ATP2C2: variants seen among roughly 807,000 people sequenced by gnomAD.
ATP2C2 encodes calcium-transporting ATPase type 2C member 2.
In ATP2C2, 171 loss-of-function variants were observed where a neutral mutation model predicts 110.8. The ratio of observed to expected loss-of-function variants is 1.54; its 90% CI spans 1.36 to 1.75. ATP2C2 has a LOEUF of 1.75. Ranked by LOEUF, ATP2C2 falls within the 40% of genes most tolerant of loss-of-function variation. The probability of loss-of-function intolerance (pLI) is 0.00; values close to 1 mark genes in which losing one functional copy is unlikely to be tolerated. For missense variants in ATP2C2, 1,963 were observed against 1,235.0 expected, an observed-to-expected ratio of 1.59 and a Z score of -8.84; for synonymous variants, 804 against 508.4, an observed-to-expected ratio of 1.58 and a Z score of -7.82.
At chr16:84,406,346 G>T (rs1294929772) in intron 3 of ATP2C2, among the ~76,000 whole-genome samples, 1 of 152,238 alleles carries the variant, frequency 6.6e-6, no homozygotes, top group Non-Finnish European at 1.5e-5. Flanking sequence ...AATTTTCCAG[G>T]TGCCTGAGGG....
At chr16:84,403,181 T>C (rs1469747118) in intron 2 of ATP2C2, among the ~76,000 whole-genome samples, 2 of 152,230 alleles carry the variant, frequency 1.3e-5, no homozygotes, top group Non-Finnish European at 2.9e-5. Context: ...CTTTTTTTCT[T>C]AGCCTGGCTA....
intron 20 of ATP2C2, among the ~76,000 whole-genome samples, chr16:84,453,651 C>T (rs1910527041): frequency 6.6e-6 from 1 of 152,112 alleles, no homozygotes; most frequent in South Asian, 2.1e-4. Context: ...CAGTCACGGG[C>T]CCAGGTTTAG....
Position 84,401,168 on chromosome 16 carries a change from C to T in ATP2C2, c.210+2559C>T, listed in dbSNP as rs112333598. Among the ~76,000 whole-genome samples, 1,164 of 151,718 alleles carry T rather than the reference C, an allele frequency of 7.7e-3. 17 individuals carry two copies. The highest frequency in any genetic ancestry group is 0.027 in the African/African-American group (1,111 of 41,410). ...CAGTTCAATGTCCTGGAGAGTTTCC[C>T]CGATGTTCTCTTGATAGTTTCATAG... On this transcript the variant is annotated intron_variant, in intron 2 of 26. Coordinates refer to ENST00000262429, the MANE Select transcript of ATP2C2 (RefSeq NM_014861.4).
chr16:84,415,756 A>T (rs1025934544), intron 7 of ATP2C2, among the ~76,000 whole-genome samples, 165 bp downstream of exon 7: 1 of 152,258 alleles, frequency 6.6e-6, no homozygotes, highest in Non-Finnish European at 1.5e-5. Context: ...AGCGTGTTCT[A>T]CGCATAGAGC....
chr16:84,410,493 C>G (rs930872319), intron 4 of ATP2C2, 75 bp from the exon 5 acceptor site: 1 of 1,482,516 alleles, frequency 6.7e-7, no homozygotes, highest in African/African-American at 1.4e-5. Context: ...TAAAGACAAG[C>G]CCCTAGCCTG....
At chr16:84,381,742 C>G (rs1279407325) in intron 1 of ATP2C2, among the ~76,000 whole-genome samples, 1 of 152,184 alleles carries the variant, frequency 6.6e-6, no homozygotes, top group African/African-American at 2.4e-5. Flanking sequence ...TCGTATTTAA[C>G]CCGTTTCCTG....
rs1366222300 is a variant in ATP2C2 at position 84,408,499 on chromosome 16, G to C, written c.417+5G>C. 3 of 1,611,880 alleles carry C rather than the reference G, an allele frequency of 1.9e-6. No individual in the cohort carries two copies. Among genetic ancestry groups the C allele is most frequent in the Non-Finnish European group, 2.5e-6 (3 of 1,179,496 alleles). On this transcript the variant is annotated splice_donor_5th_base_variant and intron_variant, in intron 4 of 26. Transcript: ENST00000262429. The stretch of plus-strand genomic sequence containing the variant: ...GACGCCGTCAGCATCGCCACGGTGA[G>C]TTCCCTGACAGCGCTCGGCTCCCGG...
chr16:84,434,399 A>G (rs564147343), intron 11 of ATP2C2, among the ~76,000 whole-genome samples: 49 of 152,054 alleles, frequency 3.2e-4, no homozygotes, highest in Admixed American at 2.5e-3. Flanking sequence ...CTGGTGACAG[A>G]GCAAGACTCC....
intron 26 of ATP2C2, 56 bp from the exon 27 acceptor site, chr16:84,463,558 C>A: frequency 6.8e-7 from 1 of 1,479,998 alleles, no homozygotes; most frequent in Non-Finnish European, 9.4e-7. Context: ...GCGCTTCCTG[C>A]CGGCGCAACA....
At chr16:84,440,340 A>AT (rs1034783788) in intron 13 of ATP2C2, among the ~76,000 whole-genome samples, 5 of 152,276 alleles carry the variant, frequency 3.3e-5, no homozygotes, top group Admixed American at 6.5e-5. Context: ...TTATCCTGAT[A>AT]TTTTTTCTAC....
rs770275511 is a variant in ATP2C2 at position 84,410,594 on chromosome 16, C to A, written c.444C>A (p.Ala148=). Residue 148 remains alanine, a synonymous_variant, in exon 5 of 27, where the codon GCC becomes GCA. Transcript: ENST00000262429. ...CAGTGCTTGTCGTGGTCACTGTCGC[C>A]TTCATCCAGGTGAGTATTTCCTGAG... The part of the protein sequence containing the change: ...ATAVLVVVTV[A]FIQEYRSEKS... 1 of 1,614,020 alleles carries A rather than the reference C, an allele frequency of 6.2e-7. No individual in the cohort carries two copies. The highest frequency in any genetic ancestry group is 1.3e-5 in the African/African-American group (1 of 74,922).
chr16:84,431,366 G>A (rs1175696098), intron 11 of ATP2C2, among the ~76,000 whole-genome samples: 1 of 152,096 alleles, frequency 6.6e-6, no homozygotes, highest in African/African-American at 2.4e-5. Context: ...ATGGTGGTGT[G>A]TACCTGTAAT....
chr16:84,449,391 A>C (rs1910050724), intron 17 of ATP2C2, among the ~76,000 whole-genome samples: 1 of 152,156 alleles, frequency 6.6e-6, no homozygotes, highest in Admixed American at 6.5e-5. Context: ...GAGTGAGGGG[A>C]GCGTTCCCCA....
chr16:84,398,430 A>C, intron 1 of ATP2C2, 69 bp from the exon 2 acceptor site: 1 of 963,600 alleles, frequency 1.0e-6, no homozygotes, highest in Non-Finnish European at 1.4e-6. Context: ...ATAAAAATAA[A>C]AAATAAATTT....
In ATP2C2 at chr16:84,422,469, G is replaced by A; in HGVS notation, c.704G>A (p.Gly235Asp). The A allele has an allele frequency of 6.2e-7, 1 of 1,614,150 alleles. No homozygotes were observed. The highest frequency in any genetic ancestry group is 8.5e-7 in the Non-Finnish European group (1 of 1,180,032). The change falls in exon 8 of 27, where the codon GGC becomes GAC. Residue 235 changes from glycine to aspartate, a missense_variant. Coordinates refer to ENST00000262429, the MANE Select transcript of ATP2C2 (RefSeq NM_014861.4). ...PCSKTDSPLT[G>D]GGDLTTLSNI... ...AGTAAAACAGACAGCCCCTTGACAG[G>A]CGGTGGGGACCTCACCACCCTCAGC... is the stretch of plus-strand genomic sequence containing the variant.
chr16:84,424,273 T>C (rs1410825380), intron 10 of ATP2C2, among the ~76,000 whole-genome samples: 3 of 152,244 alleles, frequency 2.0e-5, no homozygotes, highest in Admixed American at 6.5e-5. Context: ...ATGATATCAT[T>C]CAGACATTTT....
intron 1 of ATP2C2, among the ~76,000 whole-genome samples, chr16:84,387,697 G>A (rs1416151077): frequency 2.0e-5 from 3 of 152,262 alleles, no homozygotes; most frequent in South Asian, 2.1e-4. Flanking sequence ...CCAAGGTTGC[G>A]GCCCCTCAAG....
chr16:84,463,904 C>T lies in ATP2C2; in HGVS notation c.*172C>T. The T allele has an allele frequency of 6.4e-6, 4 of 623,776 alleles. No homozygotes were observed. The East Asian group carries it at 1.1e-4, about 17-fold the overall frequency. 38.6% of individuals were successfully genotyped at this position (623,776 alleles called of 1,614,324 possible). A position where few individuals can be genotyped will look rare whatever the true frequency, so the allele number is the denominator to read the frequency against. ...ACCTCGTGGGCTCCAGGGACCCAGG[C>T]CCACATCCATCCAGCGTTCCCGCTG... On this transcript the variant is annotated 3_prime_UTR_variant, in exon 27 of 27. Coordinates refer to ENST00000262429, the MANE Select transcript of ATP2C2 (RefSeq NM_014861.4).
In ATP2C2 at chr16:84,463,980, T is replaced by G. The variant is rs1911666737; in HGVS notation, c.*248T>G. The stretch of plus-strand genomic sequence containing the variant: ...TGTACAGAAACACCACACTGTTTAT[T>G]AAATCACAATGATTTTTATTAACCA... On this transcript the variant is annotated 3_prime_UTR_variant, in exon 27 of 27. Transcript: ENST00000262429. 4.8e-6 allele frequency: 2 copies of G among 416,556 alleles called. No individual in the cohort carries two copies. The highest frequency in any genetic ancestry group is 2.0e-5 in the African/African-American group (1 of 50,034). 25.8% of individuals were successfully genotyped at this position (416,556 alleles called of 1,614,324 possible).
Sources: gnomAD v4.1 joint callset for allele counts (sites outside exome capture counted in the v4.1 genomes callset) on GRCh38, gnomAD v4.1.1 for gene constraint, MANE v1.5 for transcripts, NCBI Gene and HGNC (gene_info 2026-07-23, HGNC 2026-07-21) for gene names.